The following ERC2 variants were observed in gnomAD, a reference collection of about 807,000 sequenced individuals.
ERC2 encodes the protein ELKS/RAB6-interacting/CAST family member 2.
Under a neutral mutation model 114.8 loss-of-function variants are expected in ERC2, and 42 were observed. The ratio of observed to expected loss-of-function variants is 0.37; its 90% CI spans 0.29 to 0.47. The LOEUF (loss-of-function observed/expected upper bound fraction) is 0.47. Among genes scored for constraint, ERC2 ranks in the 20% least tolerant of loss-of-function variants. ERC2 has a pLI of 0.99. For synonymous variants in ERC2, 454 were observed against 425.5 expected, an observed-to-expected ratio of 1.07 and a Z score of -0.82; for missense variants, 939 against 1,150.7, an observed-to-expected ratio of 0.82 and a Z score of 2.66.
chr3:55,835,949 T>C (rs1166114407), intron 14 of ERC2, among the ~76,000 whole-genome samples: 1 of 151,524 alleles, frequency 6.6e-6, no homozygotes. Context: ...AGCATTCTTA[T>C]ACACCAATAA....
At chr3:55,733,922 T>C (rs1309123559) in intron 15 of ERC2, among the ~76,000 whole-genome samples, 1 of 152,246 alleles carries the variant, frequency 6.6e-6, no homozygotes, top group African/African-American at 2.4e-5. Flanking sequence ...TTGAGCTGAC[T>C]GAGTTTCATA....
chr3:55,522,065 G>A (rs2052988927), intron 17 of ERC2, among the ~76,000 whole-genome samples: 1 of 152,228 alleles, frequency 6.6e-6, no homozygotes, highest in South Asian at 2.1e-4. Flanking sequence ...TTTCTTGGCA[G>A]ATAGGGGCTA....
intron 3 of ERC2, among the ~76,000 whole-genome samples, chr3:56,211,721 C>A (rs1304575582): frequency 2.0e-5 from 3 of 152,096 alleles, no homozygotes; most frequent in Non-Finnish European, 4.4e-5. Context: ...GCCATAGTCA[C>A]CAAAACAGCA....
intron 2 of ERC2, among the ~76,000 whole-genome samples, chr3:56,312,518 T>C (rs564903333): frequency 1.4e-4 from 21 of 152,290 alleles, no homozygotes; most frequent in African/African-American, 4.8e-4. Context: ...CTCAAGATGA[T>C]GAAGTATTTA....
chr3:56,465,862 G>A (rs577681062), intron 1 of ERC2, among the ~76,000 whole-genome samples: 3 of 152,366 alleles, frequency 2.0e-5, no homozygotes, highest in African/African-American at 7.2e-5. Flanking sequence ...GAATCACAGT[G>A]GACTCTTAAA....
chr3:56,281,134 G>A (rs2054309776), intron 3 of ERC2, among the ~76,000 whole-genome samples: 2 of 152,110 alleles, frequency 1.3e-5, no homozygotes, highest in South Asian at 4.1e-4. Flanking sequence ...TTTGCTATAG[G>A]ACATTAAAAG....
chr3:55,889,375 T>G (rs1161792014), intron 13 of ERC2, among the ~76,000 whole-genome samples: 2 of 152,178 alleles, frequency 1.3e-5, no homozygotes, highest in Non-Finnish European at 2.9e-5. Flanking sequence ...AGGTTCAAGT[T>G]TGGTTTGCCC....
chr3:55,845,076 A>T (rs1455120993), intron 14 of ERC2, among the ~76,000 whole-genome samples: 1 of 152,164 alleles, frequency 6.6e-6, no homozygotes, highest in Non-Finnish European at 1.5e-5. Context: ...GCCACCACTG[A>T]TCTGATAGGA....
At chr3:55,572,052 C>G (rs555804848) in intron 17 of ERC2, among the ~76,000 whole-genome samples, 2 of 152,200 alleles carry the variant, frequency 1.3e-5, no homozygotes, top group Non-Finnish European at 2.9e-5. Flanking sequence ...TCTGTGCAGC[C>G]CAGGAAGGCA....
chr3:55,910,123 C>T (rs1006112695), intron 13 of ERC2, among the ~76,000 whole-genome samples: 1 of 152,120 alleles, frequency 6.6e-6, no homozygotes, highest in African/African-American at 2.4e-5. Flanking sequence ...GCCACAGTGG[C>T]TTACACCTGT....
chr3:56,340,183 G>A (rs190318306), intron 2 of ERC2, among the ~76,000 whole-genome samples: 72 of 152,080 alleles, frequency 4.7e-4, no homozygotes, highest in African/African-American at 1.6e-3. Flanking sequence ...TATTATTTTG[G>A]GAGTAATCTG....
intron 13 of ERC2, among the ~76,000 whole-genome samples, chr3:55,941,800 T>C (rs934620924): frequency 5.1e-4 from 77 of 152,322 alleles, no homozygotes; most frequent in African/African-American, 1.7e-3. Context: ...AATTTTTATT[T>C]ATTATCTAAA....
intron 2 of ERC2, among the ~76,000 whole-genome samples, chr3:56,404,407 A>G (rs1168438670): frequency 3.9e-5 from 6 of 152,204 alleles, no homozygotes; most frequent in African/African-American, 1.4e-4. Context: ...CTAGGAAAAT[A>G]TATGTCGAAT....
At chr3:56,283,977 G>A (rs1412217868) in intron 3 of ERC2, among the ~76,000 whole-genome samples, 1 of 152,170 alleles carries the variant, frequency 6.6e-6, no homozygotes, top group Admixed American at 6.5e-5. Context: ...CCACAAATCT[G>A]CAAGATTCTC....
intron 2 of ERC2, among the ~76,000 whole-genome samples, chr3:56,413,389 C>G (rs527990401): frequency 3.3e-5 from 5 of 152,330 alleles, no homozygotes; most frequent in African/African-American, 1.2e-4. Context: ...CTGATCTCCC[C>G]CTGAGCATGG....
intron 12 of ERC2, among the ~76,000 whole-genome samples, chr3:55,960,898 G>T (rs1367557036): frequency 6.6e-6 from 1 of 152,256 alleles, no homozygotes. Context: ...ACTTTGGGAG[G>T]CCGAGGGAGG....
chr3:55,601,221 T>A (rs768342712), intron 17 of ERC2, among the ~76,000 whole-genome samples: 1 of 152,112 alleles, frequency 6.6e-6, no homozygotes, highest in Non-Finnish European at 1.5e-5. Context: ...GCCAGAATCG[T>A]ATATTATATT....
At chr3:56,160,143 C>T (rs976547140) in intron 4 of ERC2, among the ~76,000 whole-genome samples, 2 of 152,206 alleles carry the variant, frequency 1.3e-5, no homozygotes, top group Admixed American at 6.5e-5. Context: ...CATTTCTCCA[C>T]AACCTCACTA....
At chr3:55,655,583 C>T (rs1421466963) in intron 17 of ERC2, among the ~76,000 whole-genome samples, 1 of 152,138 alleles carries the variant, frequency 6.6e-6, no homozygotes, top group Non-Finnish European at 1.5e-5. Context: ...TTGTGATGCC[C>T]CTCTAACCAA....
Sources: gnomAD v4.1 joint callset for allele counts (sites outside exome capture counted in the v4.1 genomes callset) on GRCh38, gnomAD v4.1.1 for gene constraint, MANE v1.5 for transcripts, NCBI Gene and HGNC (gene_info 2026-07-23, HGNC 2026-07-21) for gene names.